Variants in LRCH2 observed in about 807,000 individuals in gnomAD.
LRCH2 encodes leucine-rich repeat and calponin homology domain-containing protein 2.
A neutral mutation model predicts 68.9 loss-of-function variants in LRCH2; 38 were observed. The ratio of observed to expected loss-of-function variants is 0.55; its 90% CI spans 0.43 to 0.72. The LOEUF (loss-of-function observed/expected upper bound fraction) is 0.72. Ranked by LOEUF, LRCH2 falls within the 30% of genes least tolerant of loss-of-function variation. The pLI is 0.00. For missense variants in LRCH2, 528 were observed against 572.9 expected, an observed-to-expected ratio of 0.92 and a Z score of 0.80; for synonymous variants, 191 against 208.1, an observed-to-expected ratio of 0.92 and a Z score of 0.71.
chrX:115,130,807 A>G (rs996186870), intron 14 of LRCH2, among the ~76,000 whole-genome samples: 3 of 111,852 alleles, frequency 2.7e-5, no homozygotes, highest in Non-Finnish European at 5.6e-5. Context: ...GTATTAACCC[A>G]TTTAATCTTC....
chrX:115,193,382 A>G (rs2072861207), intron 1 of LRCH2, among the ~76,000 whole-genome samples: 1 of 111,354 alleles, frequency 9.0e-6, no homozygotes, highest in Non-Finnish European at 1.9e-5. Flanking sequence ...CAAATATAAC[A>G]TCTGAAATGA....
At chrX:115,195,651 G>GA (rs2072881853) in intron 1 of LRCH2, among the ~76,000 whole-genome samples, 1 of 111,357 alleles carries the variant, frequency 9.0e-6, no homozygotes, top group Non-Finnish European at 1.9e-5. Flanking sequence ...AAAGTGAAAG[G>GA]AAACTCCAAA....
At chrX:115,118,361 G>A (rs781849809) in intron 20 of LRCH2, among the ~76,000 whole-genome samples, 23 of 109,370 alleles carry the variant, frequency 2.1e-4, no homozygotes, top group East Asian at 8.6e-4. Context: ...ACAGAAAAAC[G>A]AACTACCACC....
intron 1 of LRCH2, chrX:115,190,424 G>A (rs782623761): frequency 1.1e-5 from 13 of 1,164,013 alleles, no homozygotes; most frequent in East Asian, 6.5e-5. Context: ...GGAGGATGCC[G>A]CTACGAGGAG....
chrX:115,196,228 G>T (rs1177397546), intron 1 of LRCH2, among the ~76,000 whole-genome samples: 5 of 110,999 alleles, frequency 4.5e-5, no homozygotes, highest in Admixed American at 9.6e-5. Flanking sequence ...CTGAATTATG[G>T]GCTGGGTGCA....
At position 115,112,262 on chromosome X, in the gene LRCH2, A is replaced by G. The variant is rs1556522939; in HGVS notation, c.*954T>C. The G allele has an allele frequency of 8.9e-6, 1 of 112,065 alleles. No individual in the cohort carries two copies. The highest frequency in any genetic ancestry group is 1.9e-5 in the Non-Finnish European group (1 of 53,008). The allele number at this position is 112,065 out of a possible 1,213,427, so 9.2% of individuals were successfully genotyped here. On this transcript the variant is annotated 3_prime_UTR_variant, in exon 21 of 21. Coordinates refer to ENST00000317135, the MANE Select transcript of LRCH2 (RefSeq NM_020871.4). ...CCCAAACTTTGGCAGTTTTATCAAA[A>G]TGTCCTTGATAATTAGTACTTCACT...
intron 14 of LRCH2, among the ~76,000 whole-genome samples, chrX:115,133,408 T>A (rs782094898): frequency 1.8e-5 from 2 of 112,029 alleles, no homozygotes; most frequent in African/African-American, 3.2e-5. Flanking sequence ...GCTATAAAAT[T>A]CAGTTTAATC....
intron 1 of LRCH2, among the ~76,000 whole-genome samples, chrX:115,197,254 C>T (rs1322845827): frequency 9.1e-6 from 1 of 110,314 alleles, no homozygotes; most frequent in Non-Finnish European, 1.9e-5. Context: ...ATATTATGGC[C>T]TCAAATGAAT....
At chrX:115,178,838 C>A (rs1241116263) in intron 5 of LRCH2, among the ~76,000 whole-genome samples, 1 of 112,167 alleles carries the variant, frequency 8.9e-6, no homozygotes, top group East Asian at 2.8e-4. Context: ...TAATTTTGGG[C>A]AATCTAAGTA....
chrX:115,195,677 G>A (rs1201320718), intron 1 of LRCH2, among the ~76,000 whole-genome samples: 1 of 111,703 alleles, frequency 9.0e-6, no homozygotes, highest in Non-Finnish European at 1.9e-5. Context: ...GGAATGAGAA[G>A]AAAAGCAGAC....
At chrX:115,224,547 G>C (rs937501217) in intron 1 of LRCH2, among the ~76,000 whole-genome samples, 2 of 109,421 alleles carry the variant, frequency 1.8e-5, no homozygotes, top group Non-Finnish European at 3.8e-5. Context: ...AGCTGTGCAT[G>C]GTAGCACACC....
intron 20 of LRCH2, 131 bp downstream of exon 20, chrX:115,122,396 G>C: frequency 2.1e-6 from 1 of 486,609 alleles, no homozygotes; most frequent in East Asian, 3.7e-5. Flanking sequence ...CTGGAGCTTA[G>C]GAGAAGGTAC....
chrX:115,189,339 C>G lies in LRCH2; in HGVS notation c.350-969G>C, dbSNP rs782509934. On this transcript the variant is annotated intron_variant, in intron 1 of 20. Transcript: ENST00000317135. ...TTTCCTTCTTGAGACATCCACCCCC[C>G]CAACCGGTAGGAGCCGCCCTCCACG... 2.5e-4 allele frequency: 228 copies of G among 908,096 alleles called. No individual in the cohort carries two copies. In the Admixed American group the frequency reaches 3.8e-3, roughly 15 times the overall value. 74.8% of individuals were successfully genotyped at this position (908,096 alleles called of 1,213,427 possible).
intron 14 of LRCH2, among the ~76,000 whole-genome samples, chrX:115,138,012 G>GGGCA (rs1376713895): frequency 9.0e-5 from 10 of 111,278 alleles, no homozygotes; most frequent in African/African-American, 3.3e-4. Flanking sequence ...ACAGCTAAAA[G>GGGCA]GGCAGTCAGG....
At chrX:115,227,294 A>T (rs1556576659) in intron 1 of LRCH2, among the ~76,000 whole-genome samples, 1 of 93,601 alleles carries the variant, frequency 1.1e-5, no homozygotes, top group African/African-American at 4.0e-5. Flanking sequence ...CTTGTCTCTT[A>T]AAAAAAAAAA....
intron 1 of LRCH2, among the ~76,000 whole-genome samples, chrX:115,227,618 G>C (rs2073127714): frequency 9.3e-6 from 1 of 107,561 alleles, no homozygotes; most frequent in Non-Finnish European, 1.9e-5. Context: ...CAACCAAGTA[G>C]CTCAAAATAC....
At chrX:115,178,957 T>A (rs183774159) in intron 5 of LRCH2, among the ~76,000 whole-genome samples, 1 of 112,397 alleles carries the variant, frequency 8.9e-6, no homozygotes, top group Admixed American at 9.5e-5. Flanking sequence ...GGGGATTATA[T>A]CATAGTTTAT....
chrX:115,113,708 C>T (rs1180032679), intron 20 of LRCH2, among the ~76,000 whole-genome samples: 4 of 111,526 alleles, frequency 3.6e-5, no homozygotes, highest in African/African-American at 6.5e-5. Flanking sequence ...ATCACCAATG[C>T]CATCTTAAAT....
In LRCH2 at chrX:115,233,801, C is replaced by A. The variant is rs1207924020; in HGVS notation, c.241G>T (p.Asp81Tyr). 5 of 1,173,652 alleles carry A rather than the reference C, an allele frequency of 4.3e-6. No individual in the cohort carries two copies. The South Asian group carries it at 9.4e-5, about 22-fold the overall frequency. The change falls in exon 1 of 21, where the codon GAC becomes TAC. Residue 81 changes from aspartate (D) to tyrosine (Y), a missense_variant. Transcript: ENST00000317135. The stretch of plus-strand genomic sequence containing the variant: ...CTGCCCGCCTCTTCCAGGGCCCGGT[C>A]CAGGCTCCTCACGGTGTGCTGAGGC... ...LQPQHTVRSL[D>Y]RALEEAGSSG...
Sources: gnomAD v4.1 joint callset for allele counts (sites outside exome capture counted in the v4.1 genomes callset) on GRCh38, gnomAD v4.1.1 for gene constraint, MANE v1.5 for transcripts, NCBI Gene and HGNC (gene_info 2026-07-23, HGNC 2026-07-21) for gene names.